The following PCDHGA11 variants were observed in gnomAD, a reference collection of about 807,000 sequenced individuals.
The protein encoded by PCDHGA11 is protocadherin gamma-A11.
A neutral mutation model predicts 60.4 loss-of-function variants in PCDHGA11; 39 were observed. The ratio of observed to expected loss-of-function variants is 0.65; its 90% CI spans 0.50 to 0.84. The LOEUF (loss-of-function observed/expected upper bound fraction) is 0.84, where lower values mean the gene tolerates loss of function less well. Among genes scored for constraint, PCDHGA11 ranks in the 40% least tolerant of loss-of-function variants. The probability of loss-of-function intolerance (pLI) is 0.00; values close to 1 mark genes in which losing one functional copy is unlikely to be tolerated. For missense variants in PCDHGA11, 1,165 were observed against 1,197.7 expected, an observed-to-expected ratio of 0.97 and a Z score of 0.40; for synonymous variants, 533 against 510.3, an observed-to-expected ratio of 1.04 and a Z score of -0.60.
In PCDHGA11 at chr5:141,476,833, C is replaced by T. The variant is rs746365316; in HGVS notation, c.2434-17974C>T. 1.4e-5 allele frequency: 23 copies of T among 1,613,524 alleles called. No homozygotes were observed. Among genetic ancestry groups the T allele is most frequent in the Non-Finnish European group, 1.9e-5 (23 of 1,180,050 alleles). On this transcript the variant is annotated intron_variant, in intron 1 of 3. Coordinates refer to ENST00000398587, the MANE Select transcript of PCDHGA11 (RefSeq NM_018914.3). The surrounding 1 kb of genome is among the most constrained non-coding windows in gnomAD (Gnocchi z 7.6). Reference sequence around the variant, plus strand: ...ACATCAAGGTGCTGGACGCGAATGACAATGCGCCTGTCTTCAACCAGTCCT... The same window carrying T: ...ACATCAAGGTGCTGGACGCGAATGATAATGCGCCTGTCTTCAACCAGTCCT...
rs750928530 is a variant in PCDHGA11 at position 141,490,174 on chromosome 5, G to T, written c.2434-4633G>T. 1 of 1,614,056 alleles carries T rather than the reference G, an allele frequency of 6.2e-7. No individual in the cohort carries two copies. Among genetic ancestry groups the T allele is most frequent in the South Asian group, 1.1e-5 (1 of 91,086 alleles). ...TGTGTTGGGTCCCATAGACTTTGAG[G>T]AGTCACGTTTCTATGAAATTCATGC... On this transcript the variant is annotated intron_variant, in intron 1 of 3. Transcript: ENST00000398587. This position sits in a 1 kb window ranked among gnomAD's most constrained non-coding sequence, Gnocchi z 5.4.
At chr5:141,433,264 G>T in intron 1 of PCDHGA11, 1 of 1,314,872 alleles carries the variant, frequency 7.6e-7, no homozygotes, top group South Asian at 1.4e-5. Flanking sequence ...TACGATCATA[G>T]CTCACTGCAG....
chr5:141,478,392 A>T, intron 1 of PCDHGA11: 1 of 1,613,560 alleles, frequency 6.2e-7, no homozygotes, highest in East Asian at 2.2e-5. Flanking sequence ...CTTTACCATC[A>T]GGTGTATCTC....
At chr5:141,494,268 C>G (rs576129333) in intron 1 of PCDHGA11, among the ~76,000 whole-genome samples, 31 of 152,288 alleles carry the variant, frequency 2.0e-4, no homozygotes, top group African/African-American at 7.2e-4. Flanking sequence ...TTCTTGCAAG[C>G]CAAGGGCCCA....
rs1432960207 is a variant in PCDHGA11, at chr5:141,477,648, C to A, written c.2434-17159C>A. On this transcript the variant is annotated intron_variant, in intron 1 of 3. Coordinates refer to ENST00000398587, the MANE Select transcript of PCDHGA11 (RefSeq NM_018914.3). This position sits in a 1 kb window ranked among gnomAD's most constrained non-coding sequence, Gnocchi z 4.9. ...ACCGGGCTAGTGGGTCGCTATTTCA[C>A]AATAAATCGTGACAATGGCATAGTG... is the stretch of plus-strand genomic sequence containing the variant. 7 of 1,614,046 alleles carry A rather than the reference C, an allele frequency of 4.3e-6. No homozygotes were observed. Among genetic ancestry groups the A allele is most frequent in the Non-Finnish European group, 5.9e-6 (7 of 1,180,044 alleles).
intron 1 of PCDHGA11, among the ~76,000 whole-genome samples, chr5:141,467,951 A>G (rs2099155044): frequency 6.6e-6 from 1 of 151,944 alleles, no homozygotes; most frequent in East Asian, 1.9e-4. Context: ...GAGCCACCAC[A>G]CCCGGCTGCC....
At chr5:141,446,263 C>T (rs2098496356) in intron 1 of PCDHGA11, among the ~76,000 whole-genome samples, 1 of 152,010 alleles carries the variant, frequency 6.6e-6, no homozygotes, top group East Asian at 1.9e-4. Flanking sequence ...ATATTATTAA[C>T]TGAATAAATA....
intron 1 of PCDHGA11, among the ~76,000 whole-genome samples, chr5:141,463,541 C>T (rs1423301726): frequency 2.7e-5 from 4 of 150,402 alleles, no homozygotes; most frequent in East Asian, 2.0e-4. Flanking sequence ...CTCCGGCTCC[C>T]GGGTTCATGC....
rs1441582051 is a variant in PCDHGA11, at chr5:141,487,416, G to A, written c.2434-7391G>A. 1 of 1,614,088 alleles carries A rather than the reference G, an allele frequency of 6.2e-7. No individual in the cohort carries two copies. Among genetic ancestry groups the A allele is most frequent in the Admixed American group, 1.7e-5 (1 of 60,024 alleles). On this transcript the variant is annotated intron_variant, in intron 1 of 3. Coordinates refer to ENST00000398587, the MANE Select transcript of PCDHGA11 (RefSeq NM_018914.3). The surrounding 1 kb of genome is among the most constrained non-coding windows in gnomAD (Gnocchi z 5.0). ...AGGGAGGGGCTTCCCCCTTCCAATGGGATCCTCCGAATCCAGCTAGGGTCA... is the reference window on the plus strand; with the variant it reads ...AGGGAGGGGCTTCCCCCTTCCAATGAGATCCTCCGAATCCAGCTAGGGTCA...
Position 141,431,363 on chromosome 5 carries a change from C to A in PCDHGA11, c.2433+7703C>A. ...ATTGGTGCTGAAACGCGCCCTGGAC[C>A]GCGAAGAAAAGGCTGCTCACCACCT... On this transcript the variant is annotated intron_variant, in intron 1 of 3. Transcript: ENST00000398587. The surrounding 1 kb of genome is among the most constrained non-coding windows in gnomAD (Gnocchi z 4.8). 1 of 1,614,024 alleles carries A rather than the reference C, an allele frequency of 6.2e-7. No homozygotes were observed. Among genetic ancestry groups the A allele is most frequent in the Non-Finnish European group, 8.5e-7 (1 of 1,180,028 alleles).
rs764586891 is a variant in PCDHGA11, at chr5:141,477,616, A to G, written c.2434-17191A>G. On this transcript the variant is annotated intron_variant, in intron 1 of 3. Coordinates refer to ENST00000398587, the MANE Select transcript of PCDHGA11 (RefSeq NM_018914.3). This position sits in a 1 kb window ranked among gnomAD's most constrained non-coding sequence, Gnocchi z 4.9. ...TTTCTTTCTTTCTCTTGGAGCAAGGAGCTGAAACCGGGCTAGTGGGTCGCT... is the reference window on the plus strand; with the variant it reads ...TTTCTTTCTTTCTCTTGGAGCAAGGGGCTGAAACCGGGCTAGTGGGTCGCT... The G allele has an allele frequency of 1.2e-6, 2 of 1,614,068 alleles. No individual in the cohort carries two copies. Among genetic ancestry groups the G allele is most frequent in the African/African-American group, 2.7e-5 (2 of 74,924 alleles).
At position 141,422,893 on chromosome 5, in the gene PCDHGA11, C is replaced by T. The variant is rs1405800318; in HGVS notation, c.1666C>T (p.Gln556Ter). 5 of 1,614,128 alleles carry T rather than the reference C, an allele frequency of 3.1e-6. No homozygotes were observed. The highest frequency in any genetic ancestry group is 3.3e-5 in the Admixed American group (2 of 60,014). ...GTCGCTGAGCCTGTTCGTGCTGGAC[C>T]AGAACGACAATGCGCCCGAGATCCT... ...NVSLSLFVLD[Q>*]NDNAPEILYP... Residue 556 changes from glutamine to a stop codon, truncating the protein, a stop_gained, in exon 1 of 4, where the codon CAG becomes TAG. Coordinates refer to ENST00000398587, the MANE Select transcript of PCDHGA11 (RefSeq NM_018914.3). LOFTEE classifies it high-confidence loss of function.
chr5:141,453,201 C>T (rs115660512), intron 1 of PCDHGA11, among the ~76,000 whole-genome samples: 2,052 of 152,204 alleles, frequency 0.013, 46 homozygotes, highest in African/African-American at 0.048. Flanking sequence ...GCAGCCTCAA[C>T]CTCGTGCACT....
chr5:141,503,665 C>A (rs1210514896), intron 2 of PCDHGA11, among the ~76,000 whole-genome samples: 2 of 151,792 alleles, frequency 1.3e-5, no homozygotes, highest in African/African-American at 4.8e-5. Flanking sequence ...AATTACAACT[C>A]TTCCCACTTT....
intron 2 of PCDHGA11, among the ~76,000 whole-genome samples, chr5:141,501,530 G>A (rs556760554): frequency 3.5e-4 from 53 of 151,998 alleles, no homozygotes; most frequent in Admixed American, 2.2e-3. Context: ...AGCCCAGTAC[G>A]TTGTTGTGCA....
intron 1 of PCDHGA11, chr5:141,441,477 C>T (rs529495102): frequency 1.2e-4 from 20 of 170,782 alleles, no homozygotes; most frequent in Middle Eastern, 5.7e-4. Context: ...ATGCCAACGA[C>T]AATGCTCTGG....
At chr5:141,439,934 G>T (rs1477526863) in intron 1 of PCDHGA11, 2 of 152,382 alleles carry the variant, frequency 1.3e-5, no homozygotes, top group Admixed American at 1.3e-4. Context: ...ATCCTGCTGG[G>T]CATTCTCTAT....
intron 1 of PCDHGA11, among the ~76,000 whole-genome samples, chr5:141,454,703 A>C (rs933041937): frequency 1.3e-5 from 2 of 150,198 alleles, no homozygotes; most frequent in African/African-American, 4.9e-5. Flanking sequence ...ACCATGCTCC[A>C]CCTGCTTATT....
chr5:141,435,614 C>A, intron 1 of PCDHGA11, among the ~76,000 whole-genome samples: 1 of 152,056 alleles, frequency 6.6e-6, no homozygotes, highest in East Asian at 1.9e-4. Flanking sequence ...ACATTAAATT[C>A]CCCATAACTT....
Sources: gnomAD v4.1 joint callset for allele counts (sites outside exome capture counted in the v4.1 genomes callset) on GRCh38, gnomAD v4.1.1 for gene constraint, Gnocchi (gnomAD v3.1) non-coding constraint, MANE v1.5 for transcripts, NCBI Gene and HGNC (gene_info 2026-07-23, HGNC 2026-07-21) for gene names.